KCNB2: variants seen among roughly 807,000 people sequenced by gnomAD.
KCNB2 encodes delayed rectifier potassium channel protein.
A neutral mutation model predicts 61.5 loss-of-function variants in KCNB2; 15 were observed. The ratio of observed to expected loss-of-function variants is 0.24; its 90% CI spans 0.16 to 0.38. The LOEUF is 0.38. Among genes scored for constraint, KCNB2 ranks in the 10% least tolerant of loss-of-function variants. The probability of loss-of-function intolerance (pLI) is 1.00; values close to 1 mark genes in which losing one functional copy is unlikely to be tolerated. For synonymous variants in KCNB2, 457 were observed against 446.0 expected (o/e 1.02, Z -0.31); for missense variants, 828 against 1,125.2 (o/e 0.74, Z 3.78).
intron 2 of KCNB2, among the ~76,000 whole-genome samples, chr8:72,672,635 T>C (rs985839130): frequency 7.4e-6 from 1 of 134,830 alleles, no homozygotes; most frequent in African/African-American, 3.0e-5. Context: ...AAAAGAGCTC[T>C]TTTTTTTTTA....
chr8:72,739,176 T>A (rs1807901675), intron 2 of KCNB2, among the ~76,000 whole-genome samples: 1 of 151,978 alleles, frequency 6.6e-6, no homozygotes, highest in Non-Finnish European at 1.5e-5. Context: ...TTTCTTCTTT[T>A]ATAGTCAAAT....
intron 2 of KCNB2, among the ~76,000 whole-genome samples, chr8:72,644,790 G>A (rs1183402029): frequency 2.6e-5 from 4 of 152,058 alleles, no homozygotes; most frequent in Non-Finnish European, 4.4e-5. Context: ...AGTCCTTGCC[G>A]AAGCCTGTGA....
At chr8:72,828,436 A>G (rs1470184697) in intron 2 of KCNB2, among the ~76,000 whole-genome samples, 1 of 152,078 alleles carries the variant, frequency 6.6e-6, no homozygotes, top group East Asian at 1.9e-4. Context: ...TGGCAGGGGT[A>G]CCTGGATTTT....
At chr8:72,897,669 T>C (rs1806014653) in intron 2 of KCNB2, among the ~76,000 whole-genome samples, 1 of 152,156 alleles carries the variant, frequency 6.6e-6, no homozygotes, top group Non-Finnish European at 1.5e-5. Flanking sequence ...TTGTCCCAAA[T>C]TCGTTAATTC....
At chr8:72,565,661 CA>C (rs1166711164) in intron 1 of KCNB2, among the ~76,000 whole-genome samples, 108 of 149,448 alleles carry the variant, frequency 7.2e-4, no homozygotes, top group African/African-American at 1.2e-3. Context: ...CACACACACA[CA>C]ACACACACAC....
chr8:72,930,899 T>A (rs2129009013), intron 2 of KCNB2, among the ~76,000 whole-genome samples: 1 of 152,330 alleles, frequency 6.6e-6, no homozygotes, highest in South Asian at 2.1e-4. Context: ...TGGTATTGCC[T>A]AGGTTTTCTT....
intron 2 of KCNB2, among the ~76,000 whole-genome samples, chr8:72,893,702 C>T (rs1805938843): frequency 6.6e-6 from 1 of 152,090 alleles, no homozygotes; most frequent in Non-Finnish European, 1.5e-5. Flanking sequence ...CTATACACAC[C>T]AAAATGACTA....
chr8:72,653,145 T>C (rs1362161624), intron 2 of KCNB2, among the ~76,000 whole-genome samples: 1 of 152,212 alleles, frequency 6.6e-6, no homozygotes, highest in Non-Finnish European at 1.5e-5. Context: ...AAATTCAAGA[T>C]GACCTTGTCC....
intron 2 of KCNB2, among the ~76,000 whole-genome samples, chr8:72,832,624 C>G (rs188376019): frequency 2.0e-5 from 3 of 152,122 alleles, no homozygotes; most frequent in African/African-American, 7.2e-5. Context: ...AGACTTAACC[C>G]GCTTCCAAGC....
chr8:72,735,256 T>A (rs1199034481), intron 2 of KCNB2, among the ~76,000 whole-genome samples: 1 of 152,180 alleles, frequency 6.6e-6, no homozygotes, highest in Non-Finnish European at 1.5e-5. Context: ...GGAAGTGACT[T>A]TTTTTTATTA....
intron 2 of KCNB2, among the ~76,000 whole-genome samples, chr8:72,617,612 AT>A (rs1805641255): frequency 6.6e-6 from 1 of 150,506 alleles, no homozygotes; most frequent in South Asian, 2.1e-4. Context: ...AAAAAAAAAA[AT>A]GACAGTAGAC....
At chr8:72,856,603 G>C (rs1810212068) in intron 2 of KCNB2, among the ~76,000 whole-genome samples, 1 of 152,124 alleles carries the variant, frequency 6.6e-6, no homozygotes, top group African/African-American at 2.4e-5. Context: ...AATATCTGTA[G>C]ATAGTTTAAG....
intron 1 of KCNB2, among the ~76,000 whole-genome samples, chr8:72,540,742 T>C (rs1257219428): frequency 1.3e-5 from 2 of 152,132 alleles, no homozygotes; most frequent in Non-Finnish European, 2.9e-5. Flanking sequence ...CAGAAAGCCA[T>C]GTGTGTGAGA....
chr8:72,688,889 G>T (rs926060639), intron 2 of KCNB2, among the ~76,000 whole-genome samples: 1 of 152,056 alleles, frequency 6.6e-6, no homozygotes, highest in Non-Finnish European at 1.5e-5. Flanking sequence ...ACCACAGCTG[G>T]CTAATTTTTT....
chr8:72,794,633 A>G (rs1202597357), intron 2 of KCNB2, among the ~76,000 whole-genome samples: 1 of 150,212 alleles, frequency 6.7e-6, no homozygotes, highest in Non-Finnish European at 1.5e-5. Context: ...AGGCTAGGAG[A>G]GGAGTAGGTT....
chr8:72,886,942 T>G (rs948823087), intron 2 of KCNB2, among the ~76,000 whole-genome samples: 2 of 152,208 alleles, frequency 1.3e-5, no homozygotes, highest in African/African-American at 4.8e-5. Flanking sequence ...ACATGTTCCC[T>G]CAGCTAGAGA....
intron 2 of KCNB2, among the ~76,000 whole-genome samples, chr8:72,685,504 T>TA (rs1440945451): frequency 6.6e-6 from 1 of 152,112 alleles, no homozygotes; most frequent in Non-Finnish European, 1.5e-5. Context: ...TGTACAGTGT[T>TA]AAAAATGAGG....
chr8:72,588,928 AG>A (rs1019054936), intron 2 of KCNB2, among the ~76,000 whole-genome samples: 2 of 152,096 alleles, frequency 1.3e-5, no homozygotes, highest in African/African-American at 4.8e-5. Flanking sequence ...CAACAAAAAA[AG>A]AAACATGCCC....
At chr8:72,655,451 A>G (rs1445617290) in intron 2 of KCNB2, among the ~76,000 whole-genome samples, 3 of 152,158 alleles carry the variant, frequency 2.0e-5, no homozygotes, top group East Asian at 3.8e-4. Flanking sequence ...TTAAAAATAA[A>G]TAAATTAATA....
Sources: gnomAD v4.1 joint callset for allele counts (sites outside exome capture counted in the v4.1 genomes callset) on GRCh38, gnomAD v4.1.1 for gene constraint, MANE v1.5 for transcripts, NCBI Gene and HGNC (gene_info 2026-07-23, HGNC 2026-07-21) for gene names.